ZMIZ1: variants seen among roughly 807,000 people sequenced by gnomAD.
ZMIZ1 encodes the protein zinc finger MIZ domain-containing protein 1.
In ZMIZ1, 17 loss-of-function variants were observed where a neutral mutation model predicts 113.9. The ratio of observed to expected loss-of-function variants is 0.15; its 90% CI spans 0.10 to 0.22. ZMIZ1 has a LOEUF of 0.22. Ranked by LOEUF, ZMIZ1 falls within the 10% of genes least tolerant of loss-of-function variation. The probability of loss-of-function intolerance (pLI) is 1.00; values close to 1 mark genes in which losing one functional copy is unlikely to be tolerated. For missense variants in ZMIZ1, 1,059 were observed against 1,477.8 expected, an observed-to-expected ratio of 0.72 and a Z score of 4.65; for synonymous variants, 607 against 603.1, an observed-to-expected ratio of 1.01 and a Z score of -0.09.
intron 4 of ZMIZ1, among the ~76,000 whole-genome samples, chr10:79,173,624 A>C (rs1054730305): frequency 1.3e-5 from 2 of 152,244 alleles, no homozygotes; most frequent in African/African-American, 4.8e-5. Context: ...GCCAGGATTT[A>C]AGACCAAATC....
At chr10:79,298,779 T>G (rs1854091501) in intron 15 of ZMIZ1, among the ~76,000 whole-genome samples, 199 bp downstream of exon 15, 1 of 152,098 alleles carries the variant, frequency 6.6e-6, no homozygotes, top group African/African-American at 2.4e-5. Flanking sequence ...CCTGGGCGCC[T>G]GGAGGCTGGG....
intron 7 of ZMIZ1, among the ~76,000 whole-genome samples, chr10:79,265,215 G>C (rs1412172013): frequency 6.6e-6 from 1 of 152,120 alleles, no homozygotes; most frequent in Admixed American, 6.5e-5. Flanking sequence ...ACAGGCTGTA[G>C]GCCCTCTCTC....
At chr10:79,081,599 G>A (rs1482197794) in intron 1 of ZMIZ1, among the ~76,000 whole-genome samples, 1 of 152,228 alleles carries the variant, frequency 6.6e-6, no homozygotes, top group Non-Finnish European at 1.5e-5. Flanking sequence ...GTAGCCAGGG[G>A]CTGTGAATAG....
chr10:79,170,965 T>G (rs1371783689), intron 4 of ZMIZ1, among the ~76,000 whole-genome samples: 1 of 152,104 alleles, frequency 6.6e-6, no homozygotes, highest in Non-Finnish European at 1.5e-5. Flanking sequence ...TCAGGACAGG[T>G]CCGAGGGGCT....
intron 4 of ZMIZ1, among the ~76,000 whole-genome samples, chr10:79,198,900 G>A (rs764061483): frequency 6.6e-6 from 1 of 152,162 alleles, no homozygotes; most frequent in Non-Finnish European, 1.5e-5. Context: ...CAGGCGTGGT[G>A]GCAGGCGCCT....
intron 7 of ZMIZ1, among the ~76,000 whole-genome samples, chr10:79,256,973 T>G (rs769390296): frequency 6.6e-6 from 1 of 152,220 alleles, no homozygotes; most frequent in Admixed American, 6.5e-5. Flanking sequence ...AAGTGACGTC[T>G]TCAGGCTTCT....
chr10:79,297,708 T>A lies in ZMIZ1; in HGVS notation c.1491+18T>A. The stretch of plus-strand genomic sequence containing the variant: ...TCAACAGGGTATGTTCCAATTTAAT[T>A]TACAAATTCTAAGCCACAGGGAGTT... On this transcript the variant is annotated intron_variant, in intron 14 of 24. Coordinates refer to ENST00000334512, the MANE Select transcript of ZMIZ1 (RefSeq NM_020338.4). 1 of 1,609,834 alleles carries A rather than the reference T, an allele frequency of 6.2e-7. No homozygotes were observed. The highest frequency in any genetic ancestry group is 1.1e-5 in the South Asian group (1 of 90,998).
intron 7 of ZMIZ1, among the ~76,000 whole-genome samples, chr10:79,252,775 C>G (rs1156512532): frequency 1.3e-5 from 2 of 152,162 alleles, no homozygotes; most frequent in African/African-American, 4.8e-5. Flanking sequence ...CTGCCCGTGC[C>G]CTTACTAACA....
chr10:79,078,825 C>G (rs1169378146), intron 1 of ZMIZ1, among the ~76,000 whole-genome samples: 1 of 150,772 alleles, frequency 6.6e-6, no homozygotes, highest in African/African-American at 2.4e-5. Context: ...GCTGGGATTA[C>G]AAGCATGAGC....
chr10:79,297,751 T>A, intron 14 of ZMIZ1, 61 bp downstream of exon 14: 1 of 1,457,168 alleles, frequency 6.9e-7, no homozygotes. Context: ...CTAAAGGTTC[T>A]CACTGTTCCT....
chr10:79,120,969 A>T (rs1844265399), intron 2 of ZMIZ1, among the ~76,000 whole-genome samples: 1 of 152,112 alleles, frequency 6.6e-6, no homozygotes, highest in Admixed American at 6.5e-5. Flanking sequence ...CAACAACCAC[A>T]TTTGACTCCC....
intron 4 of ZMIZ1, among the ~76,000 whole-genome samples, chr10:79,198,574 A>G (rs1367882066): frequency 1.3e-5 from 2 of 152,104 alleles, no homozygotes; most frequent in Non-Finnish European, 1.5e-5. Context: ...AAATATGGGT[A>G]CAACCCCCAC....
intron 7 of ZMIZ1, among the ~76,000 whole-genome samples, chr10:79,224,944 C>T (rs750284967): frequency 1.2e-4 from 19 of 152,190 alleles, no homozygotes; most frequent in Non-Finnish European, 2.5e-4. Context: ...ACACCTGGGG[C>T]TCAGTCCTGC....
In ZMIZ1 at chr10:79,214,994, T is replaced by C. The variant is rs376262715; in HGVS notation, c.175-1175T>C. ...CCCACACTGCCCCCCAGGGGACCGATGGCCCTCCCAGTCTGCCGCCTCTCA... is the reference window on the plus strand; with the variant it reads ...CCCACACTGCCCCCCAGGGGACCGACGGCCCTCCCAGTCTGCCGCCTCTCA... On this transcript the variant is annotated intron_variant, in intron 6 of 24. Transcript: ENST00000334512. Among the ~76,000 whole-genome samples the C allele has an allele frequency of 7.9e-5, 12 of 152,254 alleles. No individual in the cohort carries two copies. The East Asian group carries it at 1.9e-3, about 25-fold the overall frequency.
At chr10:79,133,669 C>T (rs1312945177) in intron 2 of ZMIZ1, among the ~76,000 whole-genome samples, 1 of 152,140 alleles carries the variant, frequency 6.6e-6, no homozygotes, top group East Asian at 1.9e-4. Flanking sequence ...ACACTAAGCA[C>T]CCCCCTCCCC....
chr10:79,224,285 A>C (rs1162038456), intron 7 of ZMIZ1, among the ~76,000 whole-genome samples: 1 of 152,076 alleles, frequency 6.6e-6, no homozygotes, highest in African/African-American at 2.4e-5. Flanking sequence ...TTTGTTTCCC[A>C]CATTTTCTTC....
intron 7 of ZMIZ1, among the ~76,000 whole-genome samples, chr10:79,251,528 C>T (rs1309588999): frequency 6.6e-6 from 1 of 152,208 alleles, no homozygotes; most frequent in African/African-American, 2.4e-5. Flanking sequence ...CCCAACCCCT[C>T]ACCCCATACA....
At chr10:79,198,365 C>T (rs1847931639) in intron 4 of ZMIZ1, among the ~76,000 whole-genome samples, 1 of 151,990 alleles carries the variant, frequency 6.6e-6, no homozygotes, top group African/African-American at 2.4e-5. Flanking sequence ...AACAGGCGGG[C>T]ATTTGTTTTT....
At chr10:79,249,820 C>G (rs1850436513) in intron 7 of ZMIZ1, among the ~76,000 whole-genome samples, 2 of 152,180 alleles carry the variant, frequency 1.3e-5, no homozygotes, top group African/African-American at 4.8e-5. Context: ...CCCTTTCCCC[C>G]CAATGCACGA....
Sources: allele counts gnomAD v4.1 joint callset (sites outside exome capture counted in the v4.1 genomes callset), GRCh38; gene constraint gnomAD v4.1.1; transcripts MANE v1.5; gene names NCBI Gene and HGNC (gene_info 2026-07-23, HGNC 2026-07-21).